CDC42BPA: variants seen among roughly 807,000 people sequenced by gnomAD.
CDC42BPA encodes CDC42 binding protein kinase alpha, also known as serine/threonine-protein kinase MRCK alpha.
Under a neutral mutation model 223.5 loss-of-function variants are expected in CDC42BPA, and 80 were observed. The observed-to-expected ratio is 0.36, with a 90% CI of 0.30 to 0.43. The LOEUF (loss-of-function observed/expected upper bound fraction) is 0.43. CDC42BPA is among the 20% of genes least tolerant of loss of function. The pLI, the probability that CDC42BPA is intolerant of heterozygous loss-of-function variation, is 1.00. For synonymous variants in CDC42BPA, 694 were observed against 718.6 expected (o/e 0.97, Z 0.55); for missense variants, 1,743 against 2,099.9 (o/e 0.83, Z 3.32).
At position 226,991,195 on chromosome 1, in the gene CDC42BPA, A is replaced by C. The variant is rs1660699944; in HGVS notation, c.*3073T>G. ...CATAGATAGCACCAAATACTAACACAGATAGACTATCCCAGAAATGCCTCT... is the reference window on the plus strand; with the variant it reads ...CATAGATAGCACCAAATACTAACACCGATAGACTATCCCAGAAATGCCTCT... On this transcript the variant is annotated 3_prime_UTR_variant, in exon 37 of 37. Coordinates refer to ENST00000366766, the MANE Select transcript of CDC42BPA (RefSeq NM_001394014.1). 6.5e-6 allele frequency: 1 copy of C among 152,782 alleles called. No individual in the cohort carries two copies. Among genetic ancestry groups the C allele is most frequent in the Non-Finnish European group, 1.5e-5 (1 of 68,036 alleles). The allele number at this position is 152,782 out of a possible 1,614,324, so 9.5% of individuals were successfully genotyped here.
At chr1:227,264,645 G>T in intron 1 of CDC42BPA, 1 of 537,508 alleles carries the variant, frequency 1.9e-6, no homozygotes, top group East Asian at 3.2e-5. Flanking sequence ...AATTAATGTT[G>T]CCCTAAGTTT....
intron 35 of CDC42BPA, among the ~76,000 whole-genome samples, chr1:226,996,976 T>C (rs560512477): frequency 6.6e-6 from 1 of 152,374 alleles, no homozygotes; most frequent in South Asian, 2.1e-4. Flanking sequence ...CCTCATAAAA[T>C]GAGTTAGGGA....
intron 5 of CDC42BPA, among the ~76,000 whole-genome samples, chr1:227,182,054 T>C (rs1668031884): frequency 6.6e-6 from 1 of 152,150 alleles, no homozygotes; most frequent in Non-Finnish European, 1.5e-5. Context: ...TAAGACATTG[T>C]AGGTATGCTC....
At chr1:227,127,853 A>C (rs963780832) in intron 11 of CDC42BPA, among the ~76,000 whole-genome samples, 1 of 152,204 alleles carries the variant, frequency 6.6e-6, no homozygotes, top group African/African-American at 2.4e-5. Flanking sequence ...TTTTTATAAA[A>C]GATGCTACAT....
intron 21 of CDC42BPA, among the ~76,000 whole-genome samples, chr1:227,055,817 T>C (rs1674426693): frequency 6.6e-6 from 1 of 151,962 alleles, no homozygotes; most frequent in South Asian, 2.1e-4. Context: ...TAAGTAAACA[T>C]ACTTTAAGGT....
rs1030103571 is a variant in CDC42BPA at position 227,318,057 on chromosome 1, C to T, written c.-875G>A. 6.6e-6 allele frequency: 2 copies of T among 302,454 alleles called. No individual in the cohort carries two copies. Among genetic ancestry groups the T allele is most frequent in the African/African-American group, 4.5e-5 (2 of 44,488 alleles). 18.7% of individuals were successfully genotyped at this position (302,454 alleles called of 1,614,324 possible). On this transcript the variant is annotated 5_prime_UTR_variant, in exon 1 of 37. Transcript: ENST00000366766. ...AGCCCACTCCATGTCGGTGGTCGCT[C>T]GTGGGCCGAGCCGCGCCGCGCCGCG...
At chr1:227,080,396 A>C (rs1198571734) in intron 17 of CDC42BPA, among the ~76,000 whole-genome samples, 1 of 152,162 alleles carries the variant, frequency 6.6e-6, no homozygotes, top group East Asian at 1.9e-4. Flanking sequence ...AGCTTAAGAA[A>C]GAGCTGATAA....
chr1:227,248,937 C>T (rs2813980), intron 2 of CDC42BPA, among the ~76,000 whole-genome samples: 46,796 of 151,828 alleles, frequency 0.31, 7,382 homozygotes, highest in East Asian at 0.37. Context: ...AAAAATAATC[C>T]TAAAATTTAT....
chr1:227,308,231 C>T (rs573071296), intron 1 of CDC42BPA, among the ~76,000 whole-genome samples: 74 of 152,212 alleles, frequency 4.9e-4, no homozygotes, highest in African/African-American at 1.7e-3. Context: ...GGAGGACGGG[C>T]ATGGTGGCTC....
Position 227,034,696 on chromosome 1 carries a change from T to C in CDC42BPA, c.3435A>G (p.Ala1145=), listed in dbSNP as rs762766893. 6 of 1,613,636 alleles carry C rather than the reference T, an allele frequency of 3.7e-6. No individual in the cohort carries two copies. The highest frequency in any genetic ancestry group is 5.1e-6 in the Non-Finnish European group (6 of 1,179,764). ...LFLYDIAEGK[A]SQPSVVISQV... ...GACTAATGACAACACTGGGCTGAGA[T>C]GCTTTTCCTTCAGCAATATCGTACA... Residue 1145 remains alanine (A), a synonymous_variant, in exon 26 of 37, where the codon GCA becomes GCG. Transcript: ENST00000366766.
intron 35 of CDC42BPA, among the ~76,000 whole-genome samples, chr1:226,997,401 C>T (rs1268840372): frequency 1.3e-5 from 2 of 152,140 alleles, no homozygotes; most frequent in African/African-American, 4.8e-5. Flanking sequence ...AAAAAACCAG[C>T]TCCTGGAATC....
intron 9 of CDC42BPA, among the ~76,000 whole-genome samples, chr1:227,140,187 G>A (rs1025946719): frequency 6.6e-6 from 1 of 152,126 alleles, no homozygotes; most frequent in African/African-American, 2.4e-5. Context: ...TAAAAATGCT[G>A]AAACTGCTGG....
At chr1:227,044,494 T>C (rs1476632556) in intron 23 of CDC42BPA, among the ~76,000 whole-genome samples, 1 of 152,196 alleles carries the variant, frequency 6.6e-6, no homozygotes, top group Non-Finnish European at 1.5e-5. Context: ...TTACAATGCT[T>C]ATGACAAAAT....
chr1:227,289,328 T>C (rs1689314625), intron 1 of CDC42BPA, among the ~76,000 whole-genome samples: 2 of 152,178 alleles, frequency 1.3e-5, no homozygotes, highest in South Asian at 4.1e-4. Context: ...TCTGTTCCTT[T>C]TTCCATCTTA....
chr1:227,128,855 T>C (rs1339909951), intron 11 of CDC42BPA, among the ~76,000 whole-genome samples: 2 of 152,204 alleles, frequency 1.3e-5, no homozygotes, highest in Non-Finnish European at 2.9e-5. Flanking sequence ...GTGATCCTCC[T>C]ATGTACTCTC....
chr1:227,250,274 G>A (rs201146615), intron 2 of CDC42BPA, among the ~76,000 whole-genome samples: 10 of 152,074 alleles, frequency 6.6e-5, no homozygotes, highest in Non-Finnish European at 1.3e-4. Flanking sequence ...CATCACCTGA[G>A]GTCAGGAGTT....
chr1:227,134,034 T>A (rs1657983737), intron 10 of CDC42BPA, among the ~76,000 whole-genome samples: 1 of 151,426 alleles, frequency 6.6e-6, no homozygotes, highest in African/African-American at 2.4e-5. Context: ...TCATTATCAA[T>A]AACTGCATGG....
chr1:227,254,805 C>T (rs1682768710), intron 1 of CDC42BPA, among the ~76,000 whole-genome samples: 1 of 152,132 alleles, frequency 6.6e-6, no homozygotes, highest in South Asian at 2.1e-4. Flanking sequence ...TATGTGGATA[C>T]TAATGCTTCA....
At chr1:227,225,313 G>T (rs569966234) in intron 2 of CDC42BPA, among the ~76,000 whole-genome samples, 2 of 152,068 alleles carry the variant, frequency 1.3e-5, no homozygotes, top group African/African-American at 2.4e-5. Context: ...TAAATTACTG[G>T]ATTACAGTAG....
Sources: allele counts gnomAD v4.1 joint callset (sites outside exome capture counted in the v4.1 genomes callset), GRCh38; gene constraint gnomAD v4.1.1; transcripts MANE v1.5; gene names NCBI Gene and HGNC (gene_info 2026-07-23, HGNC 2026-07-21).